Variants in MAPK10 observed in about 807,000 individuals in gnomAD.
MAPK10 encodes JNK3 alpha protein kinase.
A neutral mutation model predicts 59.3 loss-of-function variants in MAPK10; 25 were observed. That is an observed-to-expected ratio of 0.42 (90% CI 0.31 to 0.59). The LOEUF is 0.59. Ranked by LOEUF, MAPK10 falls within the 20% of genes least tolerant of loss-of-function variation. MAPK10 has a pLI of 0.15. For missense variants in MAPK10, 351 were observed against 568.9 expected, an observed-to-expected ratio of 0.62 and a Z score of 3.90; for synonymous variants, 190 against 200.5, an observed-to-expected ratio of 0.95 and a Z score of 0.44.
chr4:86,467,476 G>A (rs1159608422), intron 1 of MAPK10, among the ~76,000 whole-genome samples: 2 of 152,134 alleles, frequency 1.3e-5, no homozygotes, highest in Non-Finnish European at 2.9e-5. Context: ...AGACAATGTT[G>A]TATTTACCTG....
rs1342852403 is a variant in MAPK10, at chr4:86,064,279, G to T, written c.1097C>A (p.Ala366Asp). The T allele has an allele frequency of 6.2e-7, 1 of 1,613,918 alleles. No homozygotes were observed. Among genetic ancestry groups the T allele is most frequent in the East Asian group, 2.2e-5 (1 of 44,890 alleles). ...CCTATTTCTTACCGCCTCCACTTCG[G>T]CTGGGTCATACCAGACGTTGATGTA... ...HPYINVWYDPAEVEAPPPQIY... is the reference protein window; with the variant it reads ...HPYINVWYDPDEVEAPPPQIY... The change falls in exon 11 of 14, where the codon GCC (alanine) becomes GAC (aspartate). Residue 366 changes from alanine to aspartate, a missense_variant. Physicochemically the swap from Ala to Asp is moderately radical, Grantham distance 126. Coordinates refer to ENST00000641462, the MANE Select transcript of MAPK10 (RefSeq NM_138982.4).
intron 1 of MAPK10, among the ~76,000 whole-genome samples, chr4:86,498,268 A>G (rs1755039198): frequency 6.6e-6 from 1 of 152,346 alleles, no homozygotes; most frequent in Admixed American, 6.5e-5. Context: ...AACCAGAAAA[A>G]TGGCTATTTC....
intron 11 of MAPK10, among the ~76,000 whole-genome samples, chr4:86,056,448 A>G (rs1285882123): frequency 6.7e-6 from 1 of 150,140 alleles, no homozygotes; most frequent in African/African-American, 2.5e-5. Flanking sequence ...TATATTTATA[A>G]GTCTATTCTT....
intron 1 of MAPK10, among the ~76,000 whole-genome samples, chr4:86,400,098 C>T (rs1238928133): frequency 1.3e-5 from 2 of 152,066 alleles, no homozygotes; most frequent in Non-Finnish European, 1.5e-5. Flanking sequence ...ATATATTTTT[C>T]ACATTTTATG....
At chr4:86,322,412 G>A (rs1038562906) in intron 2 of MAPK10, among the ~76,000 whole-genome samples, 3 of 152,214 alleles carry the variant, frequency 2.0e-5, no homozygotes, top group Admixed American at 6.5e-5. Context: ...AAAAAAAGGA[G>A]ATGTGCAGTT....
At chr4:86,069,679 G>A (rs1351157623) in intron 9 of MAPK10, among the ~76,000 whole-genome samples, 2 of 152,090 alleles carry the variant, frequency 1.3e-5, no homozygotes, top group East Asian at 1.9e-4. Flanking sequence ...TAAACAGTTA[G>A]GTTAGCATGC....
intron 1 of MAPK10, among the ~76,000 whole-genome samples, chr4:86,539,665 A>T (rs1313337706): frequency 6.6e-6 from 1 of 152,224 alleles, no homozygotes; most frequent in Admixed American, 6.5e-5. Context: ...GTGTGTAAGA[A>T]GTCTCAAGCC....
intron 1 of MAPK10, among the ~76,000 whole-genome samples, chr4:86,443,289 T>C (rs2149049031): frequency 6.6e-6 from 1 of 152,100 alleles, no homozygotes; most frequent in East Asian, 1.9e-4. Flanking sequence ...AAAGTAACCA[T>C]TTTGAAATAC....
At chr4:86,074,753 C>T (rs201818214) in intron 9 of MAPK10, among the ~76,000 whole-genome samples, 40,525 of 116,034 alleles carry the variant, frequency 0.35, 7,306 homozygotes, top group African/African-American at 0.45. Context: ...GGGTTTCTGC[C>T]GAGAGATCCG....
In MAPK10 at chr4:86,470,376, A is replaced by C. The variant is rs78975270; in HGVS notation, c.-262-115732T>G. ...CAGTATTGGAATATTTTTATCATAC[A>C]AGATTGTGTTTTTATTTAAATTGGG... On this transcript the variant is annotated intron_variant, in intron 1 of 4. Coordinates refer to the MAPK10 transcript ENST00000502302. 9.7e-4 allele frequency among the ~76,000 whole-genome samples: 147 copies of C among 152,302 alleles called. No homozygotes were observed. In the East Asian group the frequency reaches 0.025, roughly 26 times the overall value.
chr4:86,388,517 C>T lies in MAPK10; in HGVS notation c.-121-33873G>A, dbSNP rs377323398. On this transcript the variant is annotated intron_variant, in intron 1 of 13. Coordinates refer to the MAPK10 transcript ENST00000361569. ...CATAAGATGACTTTTATTTACTGCTCCTTATGGGAACTTGAGTTAAAAGGG... is the reference window on the plus strand; with the variant it reads ...CATAAGATGACTTTTATTTACTGCTTCTTATGGGAACTTGAGTTAAAAGGG... 3.0e-4 allele frequency among the ~76,000 whole-genome samples: 45 copies of T among 152,176 alleles called. No homozygotes were observed. The South Asian group carries it at 8.5e-3, about 29-fold the overall frequency.
chr4:86,359,284 C>G (rs1224567971), intron 1 of MAPK10, among the ~76,000 whole-genome samples: 38 of 132,940 alleles, frequency 2.9e-4, no homozygotes, highest in African/African-American at 5.5e-4. Flanking sequence ...CTCTCTCTCT[C>G]TCTCTGTGTG....
At chr4:86,550,921 G>T (rs1413552818) in intron 1 of MAPK10, among the ~76,000 whole-genome samples, 2 of 152,146 alleles carry the variant, frequency 1.3e-5, no homozygotes, top group African/African-American at 2.4e-5. Flanking sequence ...CTGGGCAATT[G>T]AACATTGGTA....
At chr4:86,079,656 A>T (rs953195378) in intron 9 of MAPK10, 3 of 152,174 alleles carry the variant, frequency 2.0e-5, no homozygotes, top group Admixed American at 6.5e-5. Context: ...TTTGGTAAAT[A>T]ATTATAAACA....
rs2869437 is a variant in MAPK10 at position 86,365,918 on chromosome 4, A to T, written c.-121-11274T>A. 2.2e-3 allele frequency among the ~76,000 whole-genome samples: 341 copies of T among 152,086 alleles called. 1 individual carries two copies. Among genetic ancestry groups the T allele is most frequent in the African/African-American group, 8.0e-3 (333 of 41,460 alleles). The stretch of plus-strand genomic sequence containing the variant: ...AGTTCTTATTTTCAAAAGCATGGAA[A>T]TGTATTTAGTATCTTTTATATGCAA... On this transcript the variant is annotated intron_variant, in intron 1 of 13. Coordinates refer to the MAPK10 transcript ENST00000361569.
chr4:86,139,242 A>G (rs2063016411), intron 4 of MAPK10, among the ~76,000 whole-genome samples: 2 of 148,568 alleles, frequency 1.3e-5, no homozygotes, highest in African/African-American at 5.2e-5. Context: ...CTAAGCCAAA[A>G]GAACAAAGCT....
intron 4 of MAPK10, among the ~76,000 whole-genome samples, chr4:86,147,356 C>T (rs992182249): frequency 2.6e-5 from 4 of 152,168 alleles, no homozygotes; most frequent in African/African-American, 7.2e-5. Context: ...TCCCAAATGT[C>T]TTTTTCCTTT....
At chr4:86,095,787 A>G (rs2054106491) in intron 9 of MAPK10, 1 of 151,894 alleles carries the variant, frequency 6.6e-6, no homozygotes, top group Non-Finnish European at 1.5e-5. Context: ...AACAAAGCAC[A>G]TTGTTTAACT....
chr4:86,469,770 C>G (rs1424434875), intron 1 of MAPK10, among the ~76,000 whole-genome samples: 5 of 152,136 alleles, frequency 3.3e-5, no homozygotes, highest in Non-Finnish European at 7.4e-5. Flanking sequence ...TTGTAATTCC[C>G]AAATACCAGA....
Sources: allele counts gnomAD v4.1 joint callset (sites outside exome capture counted in the v4.1 genomes callset), GRCh38; gene constraint gnomAD v4.1.1; transcripts MANE v1.5; gene names NCBI Gene and HGNC (gene_info 2026-07-23, HGNC 2026-07-21).